Variants in PSD3 observed in about 807,000 individuals in gnomAD.
The protein encoded by PSD3 is PH and SEC7 domain-containing protein 3.
In PSD3, 49 loss-of-function variants were observed where a neutral mutation model predicts 105.5. The ratio of observed to expected loss-of-function variants is 0.46; its 90% CI spans 0.37 to 0.59. PSD3 has a LOEUF of 0.59. Among genes scored for constraint, PSD3 ranks in the 20% least tolerant of loss-of-function variants. The pLI is 0.00. For missense variants in PSD3, 1,561 were observed against 1,263.8 expected, an observed-to-expected ratio of 1.24 and a Z score of -3.57; for synonymous variants, 557 against 457.8, an observed-to-expected ratio of 1.22 and a Z score of -2.77.
At chr8:18,792,340 A>C (rs1586011501) in intron 8 of PSD3, among the ~76,000 whole-genome samples, 1 of 152,248 alleles carries the variant, frequency 6.6e-6, no homozygotes. Flanking sequence ...GGCTGGATAA[A>C]GAAAATGTAG....
At chr8:18,966,529 C>T (rs888856510) in intron 1 of PSD3, among the ~76,000 whole-genome samples, 3 of 150,336 alleles carry the variant, frequency 2.0e-5, no homozygotes, top group African/African-American at 7.4e-5. Context: ...TGAGATTGCA[C>T]CACTGAACTC....
chr8:18,897,316 G>T (rs755379560), intron 2 of PSD3, among the ~76,000 whole-genome samples: 18 of 151,958 alleles, frequency 1.2e-4, no homozygotes, highest in Non-Finnish European at 2.1e-4. Flanking sequence ...AAAATGAGTC[G>T]GCTATAAAGA....
At chr8:18,806,987 C>T (rs1399212078) in intron 4 of PSD3, among the ~76,000 whole-genome samples, 1 of 152,098 alleles carries the variant, frequency 6.6e-6, no homozygotes, top group African/African-American at 2.4e-5. Context: ...TCTGAATATG[C>T]CCAAACCACC....
At chr8:18,803,630 T>C (rs1055969816) in intron 6 of PSD3, among the ~76,000 whole-genome samples, 3 of 152,094 alleles carry the variant, frequency 2.0e-5, no homozygotes, top group Non-Finnish European at 2.9e-5. Context: ...CATTCTGATA[T>C]ATGCTACAAG....
intron 9 of PSD3, among the ~76,000 whole-genome samples, chr8:18,698,403 G>A (rs1419472795): frequency 6.6e-6 from 1 of 152,142 alleles, no homozygotes; most frequent in Non-Finnish European, 1.5e-5. Flanking sequence ...ATAGGTGCAA[G>A]CCATGATGCT....
chr8:18,925,353 T>C (rs1412542269), intron 2 of PSD3, among the ~76,000 whole-genome samples: 2 of 151,974 alleles, frequency 1.3e-5, no homozygotes, highest in Non-Finnish European at 2.9e-5. Context: ...TATGCTATGA[T>C]TGTGCTACCA....
At chr8:18,625,019 A>G (rs1443641359) in intron 11 of PSD3, among the ~76,000 whole-genome samples, 1 of 152,096 alleles carries the variant, frequency 6.6e-6, no homozygotes, top group Non-Finnish European at 1.5e-5. Context: ...TACAGGTGTG[A>G]GCCACTGTAC....
At chr8:18,845,991 G>A (rs1040936990) in intron 4 of PSD3, among the ~76,000 whole-genome samples, 1 of 152,188 alleles carries the variant, frequency 6.6e-6, no homozygotes, top group African/African-American at 2.4e-5. Context: ...TGAGCCTAGC[G>A]AAAGCATTCC....
intron 1 of PSD3, among the ~76,000 whole-genome samples, chr8:19,038,320 C>A (rs1021622502): frequency 6.6e-6 from 1 of 152,140 alleles, no homozygotes; most frequent in African/African-American, 2.4e-5. Context: ...TTAAAACTAA[C>A]CACTTTGCCT....
intron 11 of PSD3, among the ~76,000 whole-genome samples, chr8:18,612,111 C>T (rs1014385405): frequency 1.2e-4 from 19 of 152,194 alleles, no homozygotes; most frequent in African/African-American, 3.1e-4. Context: ...ATTATTATAA[C>T]CCACAAAGCA....
chr8:19,072,942 A>G (rs913639305), intron 1 of PSD3, among the ~76,000 whole-genome samples: 3 of 152,176 alleles, frequency 2.0e-5, no homozygotes, highest in African/African-American at 7.2e-5. Context: ...CCTTGGCCCA[A>G]CTATAAAGGA....
At chr8:18,948,538 A>G (rs1166493835) in intron 1 of PSD3, among the ~76,000 whole-genome samples, 1 of 152,190 alleles carries the variant, frequency 6.6e-6, no homozygotes, top group Non-Finnish European at 1.5e-5. Context: ...AGAACAATCA[A>G]AACAAGTACT....
Position 18,534,019 on chromosome 8 carries a change from T to A in PSD3, c.*1724A>T, listed in dbSNP as rs929040322. The A allele has an allele frequency of 6.6e-6, 1 of 152,124 alleles. No homozygotes were observed. The highest frequency in any genetic ancestry group is 2.4e-5 in the African/African-American group (1 of 41,426). 9.4% of individuals were successfully genotyped at this position (152,124 alleles called of 1,614,324 possible). ...CTTCTCTGGGCAATAGTCATGGACA[T>A]TTACAGAGGGGAAGGAAGTAAACGT... On this transcript the variant is annotated 3_prime_UTR_variant, in exon 16 of 16. Coordinates refer to ENST00000327040, the MANE Select transcript of PSD3 (RefSeq NM_015310.4).
At chr8:18,615,384 C>A (rs1345791131) in intron 11 of PSD3, among the ~76,000 whole-genome samples, 2 of 152,182 alleles carry the variant, frequency 1.3e-5, no homozygotes, top group African/African-American at 4.8e-5. Context: ...GACACAGCAG[C>A]AAGGGCCACG....
At chr8:18,575,363 A>G in intron 12 of PSD3, 78 bp from the exon 13 acceptor site, 1 of 1,362,772 alleles carries the variant, frequency 7.3e-7, no homozygotes. Context: ...CAAAAACTAA[A>G]AAAATAGTTT....
chr8:18,637,144 G>A (rs1454354030), intron 10 of PSD3, among the ~76,000 whole-genome samples: 2 of 152,216 alleles, frequency 1.3e-5, no homozygotes, highest in South Asian at 2.1e-4. Flanking sequence ...CTACACCCAT[G>A]TGAGGAACAA....
chr8:18,881,280 T>C (rs1036137959), intron 2 of PSD3, among the ~76,000 whole-genome samples: 1 of 152,212 alleles, frequency 6.6e-6, no homozygotes, highest in South Asian at 2.1e-4. Context: ...ATATATTAAG[T>C]AGTCATCTGT....
intron 10 of PSD3, among the ~76,000 whole-genome samples, chr8:18,638,526 C>T (rs368953246): frequency 2.7e-5 from 4 of 146,660 alleles, no homozygotes; most frequent in African/African-American, 5.1e-5. Flanking sequence ...ATCCCACTTC[C>T]AAAAGCATTA....
At chr8:18,634,350 AT>A (rs1353424883) in intron 10 of PSD3, among the ~76,000 whole-genome samples, 1 of 152,062 alleles carries the variant, frequency 6.6e-6, no homozygotes, top group Non-Finnish European at 1.5e-5. Flanking sequence ...TTTTACTTTT[AT>A]TTTGAAAGAA....
Sources: allele counts gnomAD v4.1 joint callset (sites outside exome capture counted in the v4.1 genomes callset), GRCh38; gene constraint gnomAD v4.1.1; transcripts MANE v1.5; gene names NCBI Gene and HGNC (gene_info 2026-07-23, HGNC 2026-07-21).